Variants in SDK2 observed in about 807,000 individuals in gnomAD.
SDK2 encodes sidekick cell adhesion molecule 2.
SDK2 carries 105 observed loss-of-function variants against 253.9 expected under a neutral mutation model. The observed-to-expected ratio is 0.41, with a 90% CI of 0.35 to 0.49. The LOEUF (loss-of-function observed/expected upper bound fraction) is 0.49. Ranked by LOEUF, SDK2 falls within the 20% of genes least tolerant of loss-of-function variation. SDK2 has a pLI of 0.06. For missense variants in SDK2, 2,608 were observed against 3,003.0 expected, an observed-to-expected ratio of 0.87 and a Z score of 3.07; for synonymous variants, 1,249 against 1,234.9, an observed-to-expected ratio of 1.01 and a Z score of -0.24.
rs1803652108 is a variant in SDK2 at position 73,541,586 on chromosome 17, C to T, written c.65-33989G>A. 6.6e-6 allele frequency among the ~76,000 whole-genome samples: 1 copy of T among 151,954 alleles called. No individual in the cohort carries two copies. On this transcript the variant is annotated intron_variant, in intron 1 of 44. Transcript: ENST00000392650. The surrounding 1 kb of genome is among the most constrained non-coding windows in gnomAD (Gnocchi z 4.3). The stretch of plus-strand genomic sequence containing the variant: ...ATGGCGACTTCAAGGCCAGAGCTCG[C>T]CCCACCCTCCCTCCGTCTCTCCCTG...
Position 73,352,908 on chromosome 17 carries a change from A to G in SDK2, c.5594-271T>C, listed in dbSNP as rs551575959. ...GGAGTTCGAGACCAGCCTAGCCAACATGGTGAAACCCTGTCTCTACTAAAA... is the reference window on the plus strand; with the variant it reads ...GGAGTTCGAGACCAGCCTAGCCAACGTGGTGAAACCCTGTCTCTACTAAAA... On this transcript the variant is annotated intron_variant, in intron 40 of 44. Coordinates refer to ENST00000392650, the MANE Select transcript of SDK2 (RefSeq NM_001144952.2). The surrounding 1 kb of genome is among the most constrained non-coding windows in gnomAD (Gnocchi z 4.1). 2.0e-4 allele frequency among the ~76,000 whole-genome samples: 30 copies of G among 152,336 alleles called. No homozygotes were observed. The highest frequency in any genetic ancestry group is 7.0e-4 in the African/African-American group (29 of 41,590).
chr17:73,579,991 G>GAA (rs59008482), intron 1 of SDK2, among the ~76,000 whole-genome samples: 3,183 of 127,114 alleles, frequency 0.025, 140 homozygotes, highest in African/African-American at 0.085. Flanking sequence ...AAAGAAAAAA[G>GAA]AAAAAAAAAA....
chr17:73,397,907 T>C, intron 24 of SDK2, 128 bp downstream of exon 24: 1 of 1,047,676 alleles, frequency 9.5e-7, no homozygotes, highest in African/African-American at 1.6e-5. Context: ...ATGTTGATTA[T>C]CAGGCATCTC....
intron 32 of SDK2, among the ~76,000 whole-genome samples, chr17:73,385,010 T>C (rs1465656363): frequency 1.3e-5 from 2 of 152,200 alleles, no homozygotes; most frequent in African/African-American, 4.8e-5. Context: ...CTCCTTGAGC[T>C]GTGTGTCTCA....
intron 1 of SDK2, among the ~76,000 whole-genome samples, chr17:73,563,235 T>C (rs2045264632): frequency 6.6e-6 from 1 of 152,234 alleles, no homozygotes; most frequent in African/African-American, 2.4e-5. Flanking sequence ...ATCTAATTTT[T>C]ATAAATCACA....
intron 1 of SDK2, among the ~76,000 whole-genome samples, chr17:73,508,268 G>C (rs1459143892): frequency 1.3e-5 from 2 of 152,264 alleles, no homozygotes; most frequent in Non-Finnish European, 2.9e-5. Flanking sequence ...CTTATCCTCT[G>C]AGCTGACTCA....
intron 2 of SDK2, among the ~76,000 whole-genome samples, chr17:73,493,506 C>T (rs2145732781): frequency 6.6e-6 from 1 of 152,310 alleles, no homozygotes; most frequent in South Asian, 2.1e-4. Flanking sequence ...TGTGTGCGCA[C>T]CTGTGCATTC....
chr17:73,640,381 A>G (rs1391471760), intron 1 of SDK2, among the ~76,000 whole-genome samples: 1 of 152,058 alleles, frequency 6.6e-6, no homozygotes, highest in Non-Finnish European at 1.5e-5. Flanking sequence ...TTCTGCAGCC[A>G]GTGGAAGCAC....
At position 73,447,483 on chromosome 17, in the gene SDK2, C is replaced by G. The variant is rs2063460910; in HGVS notation, c.613+132G>C. On this transcript the variant is annotated intron_variant, in intron 5 of 44. Coordinates refer to ENST00000392650, the MANE Select transcript of SDK2 (RefSeq NM_001144952.2). This position sits in a 1 kb window ranked among gnomAD's most constrained non-coding sequence, Gnocchi z 4.0. ...CTGTGTCTCGTCCTCCTTGGGAAGG[C>G]TCCCCCCGGCCGTCCCCTAGCTTCC... The G allele has an allele frequency of 7.5e-7, 1 of 1,324,842 alleles. No homozygotes were observed. Among genetic ancestry groups the G allele is most frequent in the Non-Finnish European group, 1.0e-6 (1 of 961,940 alleles). The allele number at this position is 1,324,842 out of a possible 1,614,324, so 82.1% of individuals were successfully genotyped here.
rs1304506651 is a variant in SDK2, at chr17:73,447,526, C to T, written c.613+89G>A. The T allele has an allele frequency of 2.1e-5, 32 of 1,513,430 alleles. No homozygotes were observed. In the East Asian group the frequency reaches 4.9e-4, roughly 23 times the overall value. The allele number at this position is 1,513,430 out of a possible 1,614,324, so 93.8% of individuals were successfully genotyped here. A position where few individuals can be genotyped will look rare whatever the true frequency, so the allele number is the denominator to read the frequency against. On this transcript the variant is annotated intron_variant, in intron 5 of 44. Transcript: ENST00000392650. The surrounding 1 kb of genome is among the most constrained non-coding windows in gnomAD (Gnocchi z 4.0). ...TAGCTTCCCTGTCCCCCTCCTCTGCCACTCCATCTTCCCAATGATCCCCTG... is the reference window on the plus strand; with the variant it reads ...TAGCTTCCCTGTCCCCCTCCTCTGCTACTCCATCTTCCCAATGATCCCCTG...
chr17:73,397,700 G>C (rs116137848), intron 24 of SDK2, among the ~76,000 whole-genome samples: 4,953 of 152,280 alleles, frequency 0.033, 262 homozygotes, highest in African/African-American at 0.11. Context: ...GTGGCTGTGG[G>C]CAAGTTCTTA....
chr17:73,499,556 T>C (rs2063869517), intron 2 of SDK2, among the ~76,000 whole-genome samples: 1 of 152,178 alleles, frequency 6.6e-6, no homozygotes, highest in Non-Finnish European at 1.5e-5. Flanking sequence ...CCTGCCTTCA[T>C]GGCCCCCGGG....
intron 10 of SDK2, among the ~76,000 whole-genome samples, chr17:73,432,834 G>A (rs948026863): frequency 2.7e-5 from 4 of 149,480 alleles, no homozygotes; most frequent in African/African-American, 7.3e-5. Flanking sequence ...ACGTGTGCAT[G>A]TATGTGTGTG....
chr17:73,604,909 G>C (rs1424728899), intron 1 of SDK2, among the ~76,000 whole-genome samples: 1 of 152,158 alleles, frequency 6.6e-6, no homozygotes, highest in African/African-American at 2.4e-5. Flanking sequence ...GGGGAACACT[G>C]GCACATATGC....
intron 18 of SDK2, among the ~76,000 whole-genome samples, chr17:73,412,191 CACACATAT>C (rs2063144731): frequency 1.4e-5 from 2 of 147,034 alleles, no homozygotes; most frequent in Non-Finnish European, 1.5e-5. Flanking sequence ...TATGCACATA[CACACATAT>C]ACATATATGT....
chr17:73,436,502 G>A (rs1269724489), intron 8 of SDK2, among the ~76,000 whole-genome samples: 1 of 150,686 alleles, frequency 6.6e-6, no homozygotes, highest in East Asian at 1.9e-4. Flanking sequence ...ACTTGTACCC[G>A]GGAGGCAGAG....
chr17:73,462,558 ATGTT>A (rs1211916641), intron 3 of SDK2, among the ~76,000 whole-genome samples: 4 of 152,024 alleles, frequency 2.6e-5, no homozygotes, highest in Non-Finnish European at 5.9e-5. Context: ...GTATGCATGT[ATGTT>A]TGTATGGTGA....
At position 73,642,020 on chromosome 17, in the gene SDK2, G is replaced by A. The variant is rs530811609; in HGVS notation, c.64+2005C>T. On this transcript the variant is annotated intron_variant, in intron 1 of 44. Coordinates refer to ENST00000392650, the MANE Select transcript of SDK2 (RefSeq NM_001144952.2). This position sits in a 1 kb window ranked among gnomAD's most constrained non-coding sequence, Gnocchi z 4.7. ...GCAGGGGACCTGGGCAGCCTGACAC[G>A]CAAAAAGCCAGCAAACAAGAAAGGC... Among the ~76,000 whole-genome samples the A allele has an allele frequency of 6.6e-6, 1 of 152,172 alleles. No individual in the cohort carries two copies. The highest frequency in any genetic ancestry group is 1.5e-5 in the Non-Finnish European group (1 of 68,024).
At chr17:73,483,661 GTATATATATATATATATATATT>G (rs1270685014) in intron 2 of SDK2, among the ~76,000 whole-genome samples, 99 of 70,164 alleles carry the variant, frequency 1.4e-3, no homozygotes, top group African/African-American at 1.9e-3. Flanking sequence ...GTGTGTGTGT[GTATATATATATATATATATATT>G]TATATATATA....
Sources: allele counts gnomAD v4.1 joint callset (sites outside exome capture counted in the v4.1 genomes callset), GRCh38; gene constraint gnomAD v4.1.1; non-coding constraint Gnocchi (gnomAD v3.1); transcripts MANE v1.5; gene names NCBI Gene and HGNC (gene_info 2026-07-23, HGNC 2026-07-21).